The following CARMIL1 variants were observed in gnomAD, a reference collection of about 807,000 sequenced individuals.
CARMIL1 encodes F-actin-uncapping protein LRRC16A.
In CARMIL1, 90 loss-of-function variants were observed where a neutral mutation model predicts 177.1. That is an observed-to-expected ratio of 0.51 (90% CI 0.43 to 0.61). CARMIL1 has a LOEUF of 0.61. CARMIL1 is among the 20% of genes least tolerant of loss of function. The pLI is 0.00. For missense variants in CARMIL1, 1,380 were observed against 1,667.0 expected, an observed-to-expected ratio of 0.83 and a Z score of 3.00; for synonymous variants, 577 against 606.2, an observed-to-expected ratio of 0.95 and a Z score of 0.71.
rs1261724527 is a variant in CARMIL1, at chr6:25,514,564, A to AAAAAT, written c.1633-1107_1633-1106insTAAAA. ...AGACCTTGTCTCAAAAAAAAAAAAA[A>AAAAAT]AAAAGCCACACAAGTGTGACTTAAA... On this transcript the variant is annotated intron_variant, in intron 20 of 36. Coordinates refer to ENST00000329474, the MANE Select transcript of CARMIL1 (RefSeq NM_017640.6). Among the ~76,000 whole-genome samples the AAAAAT allele has an allele frequency of 1.1e-4, 17 of 151,554 alleles. 1 individual carries two copies. The highest frequency in any genetic ancestry group is 4.2e-4 in the South Asian group (2 of 4,778).
Position 25,594,546 on chromosome 6 carries a change from CACTGATAATGCTATTTTATT to C in CARMIL1, c.3119+20_3119+39del. ...ATTCCAAGTGAGTTCAGAGTAATTT[CACTGATAATGCTATTTTATT>C]CATATTTAAATTACTAACAGTTACA... On this transcript the variant is annotated intron_variant, in intron 32 of 36. Transcript: ENST00000329474. 1 of 1,278,790 alleles carries C rather than the reference CACTGATAATGCTATTTTATT, an allele frequency of 7.8e-7. No individual in the cohort carries two copies. The highest frequency in any genetic ancestry group is 1.1e-6 in the Non-Finnish European group (1 of 879,486). The allele number at this position is 1,278,790 out of a possible 1,614,324, so 79.2% of individuals were successfully genotyped here.
In CARMIL1 at chr6:25,576,619, T is replaced by C. The variant is rs138969612; in HGVS notation, c.2743-4305T>C. ...ACCATCCGCTGCTCTGTCCATTATA[T>C]GCTTTGGAGCTGATAAAGCCACCAT... On this transcript the variant is annotated intron_variant, in intron 29 of 36. Coordinates refer to ENST00000329474, the MANE Select transcript of CARMIL1 (RefSeq NM_017640.6). 4.9e-3 allele frequency among the ~76,000 whole-genome samples: 746 copies of C among 152,300 alleles called. 5 individuals carry two copies. Among genetic ancestry groups the C allele is most frequent in the African/African-American group, 0.017 (703 of 41,554 alleles).
chr6:25,374,221 T>A (rs1047855269), intron 2 of CARMIL1, among the ~76,000 whole-genome samples: 4 of 152,234 alleles, frequency 2.6e-5, no homozygotes, highest in African/African-American at 9.6e-5. Flanking sequence ...GAGGTTTTGA[T>A]GATGTGTATC....
In CARMIL1 at chr6:25,450,708, A is replaced by G; in HGVS notation, c.611A>G (p.His204Arg). ...TTACAAGATTTTAGTCATCTTGACC[A>G]CAGGTAAGCTGCTTCCTTCCTTCTT... ...LNLQDFSHLD[H>R]RDLIPIIAAL... The change falls in exon 8 of 37, where the codon CAC (histidine) becomes CGC (arginine). Residue 204 changes from histidine (H) to arginine (R), a missense_variant. Physicochemically the swap from His to Arg is conservative, Grantham distance 29. Coordinates refer to ENST00000329474, the MANE Select transcript of CARMIL1 (RefSeq NM_017640.6). The G allele has an allele frequency of 6.3e-7, 1 of 1,598,694 alleles. No individual in the cohort carries two copies. Among genetic ancestry groups the G allele is most frequent in the Non-Finnish European group, 8.5e-7 (1 of 1,170,972 alleles).
chr6:25,563,124 G>T, intron 29 of CARMIL1: 1 of 550,096 alleles, frequency 1.8e-6, no homozygotes. Context: ...AGATTTAATG[G>T]CTCCTGGGTA....
At position 25,399,359 on chromosome 6, in the gene CARMIL1, A is replaced by G. The variant is rs1344863207; in HGVS notation, c.139-20755A>G. ...GGTGAGGATGCAACCCTTGCATTAGAGAAGACCCTCAACAGCCATGGTCTC... is the reference window on the plus strand; with the variant it reads ...GGTGAGGATGCAACCCTTGCATTAGGGAAGACCCTCAACAGCCATGGTCTC... On this transcript the variant is annotated intron_variant, in intron 2 of 36. Coordinates refer to ENST00000329474, the MANE Select transcript of CARMIL1 (RefSeq NM_017640.6). 2.0e-5 allele frequency among the ~76,000 whole-genome samples: 3 copies of G among 152,194 alleles called. No individual in the cohort carries two copies. The East Asian group carries it at 5.8e-4, about 29-fold the overall frequency.
chr6:25,422,720 A>G (rs114926945), intron 3 of CARMIL1, among the ~76,000 whole-genome samples: 2,090 of 152,284 alleles, frequency 0.014, 51 homozygotes, highest in African/African-American at 0.045. Context: ...GGGCTTAGGA[A>G]AATATTCAAG....
intron 2 of CARMIL1, among the ~76,000 whole-genome samples, chr6:25,397,617 TA>T (rs1297768864): frequency 1.3e-5 from 2 of 152,208 alleles, no homozygotes; most frequent in Admixed American, 1.3e-4. Flanking sequence ...AAGAGGCCAT[TA>T]TTTGACACAT....
chr6:25,525,249 G>C (rs1806979227), intron 23 of CARMIL1, among the ~76,000 whole-genome samples: 1 of 152,156 alleles, frequency 6.6e-6, no homozygotes, highest in Non-Finnish European at 1.5e-5. Flanking sequence ...AAAAACACCT[G>C]TGTATTGAGA....
chr6:25,425,726 G>A (rs1306989803), intron 3 of CARMIL1, among the ~76,000 whole-genome samples: 4 of 151,860 alleles, frequency 2.6e-5, no homozygotes, highest in Non-Finnish European at 5.9e-5. Flanking sequence ...AGAAGAGAGG[G>A]GCACTTGTTA....
chr6:25,619,644 A>G lies in CARMIL1; in HGVS notation c.*61A>G, dbSNP rs987020013. On this transcript the variant is annotated 3_prime_UTR_variant, in exon 37 of 37. Coordinates refer to ENST00000329474, the MANE Select transcript of CARMIL1 (RefSeq NM_017640.6). ...CTTTGGTAGCCATCAGAGAGGAACC[A>G]AGGGCAACATCTTTTCTTCCCAGGC... 35 of 1,516,644 alleles carry G rather than the reference A, an allele frequency of 2.3e-5. No individual in the cohort carries two copies. The highest frequency in any genetic ancestry group is 3.0e-5 in the Non-Finnish European group (34 of 1,131,856). The allele number at this position is 1,516,644 out of a possible 1,614,324, so 93.9% of individuals were successfully genotyped here.
chr6:25,281,136 G>GCACACA (rs1554148590), intron 1 of CARMIL1, among the ~76,000 whole-genome samples: 1,850 of 132,126 alleles, frequency 0.014, 50 homozygotes, highest in African/African-American at 0.046. Context: ...GTGCGCGCGC[G>GCACACA]CACACACACA....
intron 4 of CARMIL1, among the ~76,000 whole-genome samples, chr6:25,429,083 TG>T (rs1796508854): frequency 6.6e-6 from 1 of 152,204 alleles, no homozygotes; most frequent in Non-Finnish European, 1.5e-5. Flanking sequence ...CATATTTTGC[TG>T]GGTATGCCAG....
At chr6:25,551,128 TA>T in intron 27 of CARMIL1, 43 bp downstream of exon 27, 2 of 1,507,098 alleles carry the variant, frequency 1.3e-6, no homozygotes, top group South Asian at 2.4e-5. Context: ...GCAGTTTCTG[TA>T]AATGCAGTCG....
chr6:25,376,246 A>C (rs1266712563), intron 2 of CARMIL1, among the ~76,000 whole-genome samples: 1 of 151,998 alleles, frequency 6.6e-6, no homozygotes, highest in Non-Finnish European at 1.5e-5. Flanking sequence ...TGCCCAGCTA[A>C]TTTTTGTATT....
intron 2 of CARMIL1, among the ~76,000 whole-genome samples, chr6:25,418,343 A>C (rs9461167): frequency 0.39 from 59,165 of 151,932 alleles, 11,645 homozygotes; most frequent in Middle Eastern, 0.46. Flanking sequence ...ATTTCCCTGC[A>C]TTGGGTTAAT....
chr6:25,399,317 G>C (rs1262363773), intron 2 of CARMIL1, among the ~76,000 whole-genome samples: 24 of 152,192 alleles, frequency 1.6e-4, no homozygotes, highest in Admixed American at 1.6e-3. Context: ...GCCAGAATGT[G>C]GTTGTCTACC....
rs1436226900 is a variant in CARMIL1 at position 25,326,730 on chromosome 6, G to T, written c.138+41821G>T. On this transcript the variant is annotated intron_variant, in intron 2 of 36. Transcript: ENST00000329474. This position sits in a 1 kb window ranked among gnomAD's most constrained non-coding sequence, Gnocchi z 4.2. ...GGATTGCTGGAGGAGATGGTAAGCA[G>T]TAGATGGATTCTGGTGTATGTTTTG... 1.3e-5 allele frequency among the ~76,000 whole-genome samples: 2 copies of T among 152,304 alleles called. No homozygotes were observed. Among genetic ancestry groups the T allele is most frequent in the East Asian group, 3.9e-4 (2 of 5,184 alleles).
At chr6:25,442,226 T>C (rs1797836759) in intron 5 of CARMIL1, among the ~76,000 whole-genome samples, 1 of 150,858 alleles carries the variant, frequency 6.6e-6, no homozygotes, top group Non-Finnish European at 1.5e-5. Flanking sequence ...GAGATTTGCA[T>C]GGACAAAGAG....
Sources: allele counts gnomAD v4.1 joint callset (sites outside exome capture counted in the v4.1 genomes callset), GRCh38; gene constraint gnomAD v4.1.1; non-coding constraint Gnocchi (gnomAD v3.1); transcripts MANE v1.5; gene names NCBI Gene and HGNC (gene_info 2026-07-23, HGNC 2026-07-21).